TBCEL: variants seen among roughly 807,000 people sequenced by gnomAD.
TBCEL encodes the protein tubulin-specific chaperone cofactor E-like protein.
In TBCEL, 15 loss-of-function variants were observed where a neutral mutation model predicts 44.2. The ratio of observed to expected loss-of-function variants is 0.34; its 90% confidence interval spans 0.23 to 0.52. TBCEL has a LOEUF of 0.52. Ranked by LOEUF, TBCEL falls within the 20% of genes least tolerant of loss-of-function variation. The pLI, the probability that TBCEL is intolerant of heterozygous loss-of-function variation, is 0.95. For synonymous variants in TBCEL, 171 were observed against 185.4 expected (o/e 0.92, Z 0.63); for missense variants, 319 against 506.3 (o/e 0.63, Z 3.55).
chr11:121,056,140 T>C (rs113531557), intron 6 of TBCEL, among the ~76,000 whole-genome samples: 2 of 151,908 alleles, frequency 1.3e-5, no homozygotes, highest in African/African-American at 4.8e-5. Context: ...GCGCCACCTA[T>C]TTACCCCCTC....
intron 6 of TBCEL, 139 bp from the exon 7 acceptor site, chr11:121,058,206 G>T: frequency 7.6e-6 from 8 of 1,055,338 alleles, no homozygotes; most frequent in Non-Finnish European, 7.9e-6. Context: ...TGCCTTGGAT[G>T]AAGAAAACTT....
chr11:121,045,161 T>C (rs1204472438), intron 2 of TBCEL, among the ~76,000 whole-genome samples: 1 of 152,118 alleles, frequency 6.6e-6, no homozygotes, highest in Non-Finnish European at 1.5e-5. Flanking sequence ...CACAGAATAC[T>C]TGGTTTCTAG....
rs186682990 is a variant in TBCEL at position 121,038,349 on chromosome 11, G to C, written c.-18+1737G>C. 2.4e-3 allele frequency among the ~76,000 whole-genome samples: 365 copies of C among 152,106 alleles called. 4 individuals are homozygous for C. Among genetic ancestry groups the C allele is most frequent in the African/African-American group, 7.8e-3 (324 of 41,496 alleles). On this transcript the variant is annotated intron_variant, in intron 2 of 8. Coordinates refer to ENST00000683345, the MANE Select transcript of TBCEL (RefSeq NM_001363644.2). ...GTTGATTTATTTCATCTTTCCTGGA[G>C]GGAAAAATATGTAACATATACATAT...
At chr11:121,037,530 A>T (rs550783903) in intron 2 of TBCEL, among the ~76,000 whole-genome samples, 1 of 152,338 alleles carries the variant, frequency 6.6e-6, no homozygotes, top group Admixed American at 6.5e-5. Flanking sequence ...TTTATATGGG[A>T]GAGATAGCTG....
At chr11:121,075,035 A>G (rs183587663) in intron 8 of TBCEL, among the ~76,000 whole-genome samples, 2 of 152,040 alleles carry the variant, frequency 1.3e-5, no homozygotes, top group East Asian at 3.9e-4. Flanking sequence ...AAACATACAC[A>G]CACACACTCA....
intron 8 of TBCEL, among the ~76,000 whole-genome samples, chr11:121,078,724 T>G (rs1036577140): frequency 2.0e-5 from 3 of 152,182 alleles, no homozygotes; most frequent in Non-Finnish European, 4.4e-5. Context: ...TCCTTTGCCT[T>G]GTATGACCTG....
chr11:121,068,352 A>AT lies in TBCEL; in HGVS notation c.956+8275dup, dbSNP rs542282478. Among the ~76,000 whole-genome samples, 4 of 147,620 alleles carry AT rather than the reference A, an allele frequency of 2.7e-5. No individual in the cohort carries two copies. The South Asian group carries it at 6.5e-4, about 24-fold the overall frequency. ...GGAAAAAACACTGGAGTCATTCTTG[A>AT]TTTTTTTTCTCCCACACCCCACATC... On this transcript the variant is annotated intron_variant, in intron 8 of 8. Coordinates refer to ENST00000683345, the MANE Select transcript of TBCEL (RefSeq NM_001363644.2).
At chr11:121,078,974 A>G (rs1946078549) in intron 8 of TBCEL, among the ~76,000 whole-genome samples, 1 of 152,234 alleles carries the variant, frequency 6.6e-6, no homozygotes, top group Non-Finnish European at 1.5e-5. Flanking sequence ...GCTGTATAGT[A>G]TTCTATCATA....
Position 121,047,685 on chromosome 11 carries a change from C to T in TBCEL, c.273+18C>T, listed in dbSNP as rs1364139165. On this transcript the variant is annotated intron_variant, in intron 4 of 8. Coordinates refer to ENST00000683345, the MANE Select transcript of TBCEL (RefSeq NM_001363644.2). ...GGCATGAGGTGAAGTTTTTATATTG[C>T]TACATTTTAGTGAAAAGCAGCAATA... 2 of 1,610,774 alleles carry T rather than the reference C, an allele frequency of 1.2e-6. No individual in the cohort carries two copies. Among genetic ancestry groups the T allele is most frequent in the Non-Finnish European group, 1.7e-6 (2 of 1,178,206 alleles).
intron 8 of TBCEL, among the ~76,000 whole-genome samples, chr11:121,077,609 A>G (rs1235811175): frequency 4.6e-5 from 7 of 151,748 alleles, no homozygotes; most frequent in African/African-American, 7.3e-5. Context: ...TATTTGCTAT[A>G]TTTCATTGAT....
chr11:121,055,888 C>A (rs564069186), intron 6 of TBCEL, among the ~76,000 whole-genome samples: 1 of 145,374 alleles, frequency 6.9e-6, no homozygotes, highest in African/African-American at 2.7e-5. Context: ...ACAACTTCCC[C>A]CACTGTCAGT....
chr11:121,081,355 G>A (rs1190729778), intron 8 of TBCEL, among the ~76,000 whole-genome samples: 1 of 152,188 alleles, frequency 6.6e-6, no homozygotes, highest in Non-Finnish European at 1.5e-5. Context: ...TTTAGCATTT[G>A]ATGATTGTAA....
At position 121,034,728 on chromosome 11, in the gene TBCEL, A is replaced by G. The variant is rs78900013; in HGVS notation, c.-125-1777A>G. The stretch of plus-strand genomic sequence containing the variant: ...ACAAATGAAAGTTACATTGCAACAC[A>G]TGAAAAATAAGGGTATATTATTTAA... On this transcript the variant is annotated intron_variant, in intron 1 of 8. Transcript: ENST00000683345. Among the ~76,000 whole-genome samples the G allele has an allele frequency of 3.7e-3, 560 of 152,356 alleles. 6 individuals carry two copies. The highest frequency in any genetic ancestry group is 0.013 in the African/African-American group (530 of 41,578).
chr11:121,064,804 C>T (rs1025652350), intron 8 of TBCEL, among the ~76,000 whole-genome samples: 12 of 152,130 alleles, frequency 7.9e-5, no homozygotes, highest in African/African-American at 2.9e-4. Flanking sequence ...ATTATAATCT[C>T]CATTATCATA....
At chr11:121,064,019 T>G (rs1256663073) in intron 8 of TBCEL, among the ~76,000 whole-genome samples, 1 of 152,192 alleles carries the variant, frequency 6.6e-6, no homozygotes, top group African/African-American at 2.4e-5. Context: ...CATTTTTAAG[T>G]GGGGCTTGTG....
rs188159582 is a variant in TBCEL, at chr11:121,056,823, T to C, written c.712+1515T>C. 4.6e-5 allele frequency among the ~76,000 whole-genome samples: 7 copies of C among 152,016 alleles called. No individual in the cohort carries two copies. In the East Asian group the frequency reaches 1.4e-3, roughly 29 times the overall value. On this transcript the variant is annotated intron_variant, in intron 6 of 8. Coordinates refer to ENST00000683345, the MANE Select transcript of TBCEL (RefSeq NM_001363644.2). ...GTCTGTGGCCCATTTTGTAGCCAGATTGTTTTTTATTCCTTATTATTAAGT... is the reference window on the plus strand; with the variant it reads ...GTCTGTGGCCCATTTTGTAGCCAGACTGTTTTTTATTCCTTATTATTAAGT...
chr11:121,026,378 C>G (rs551468834), intron 1 of TBCEL, among the ~76,000 whole-genome samples: 3 of 152,248 alleles, frequency 2.0e-5, no homozygotes, highest in African/African-American at 7.2e-5. Flanking sequence ...TGTTAAAGTC[C>G]TTTGAAAAGT....
intron 7 of TBCEL, 134 bp from the exon 8 acceptor site, chr11:121,059,835 T>C: frequency 1.6e-6 from 1 of 642,600 alleles, no homozygotes; most frequent in South Asian, 2.1e-5. Flanking sequence ...ATGTCAGTAG[T>C]TGTATACAAA....
chr11:121,073,236 A>G (rs1431695818), intron 8 of TBCEL, among the ~76,000 whole-genome samples: 2 of 152,028 alleles, frequency 1.3e-5, no homozygotes, highest in Non-Finnish European at 1.5e-5. Flanking sequence ...TTACTTGAAG[A>G]GAATTTACAT....
Sources: allele counts gnomAD v4.1 joint callset (sites outside exome capture counted in the v4.1 genomes callset), GRCh38; gene constraint gnomAD v4.1.1; transcripts MANE v1.5; gene names NCBI Gene and HGNC (gene_info 2026-07-23, HGNC 2026-07-21).